Variants in NDUFAF6 observed in about 807,000 individuals in gnomAD.
NDUFAF6 encodes NADH:ubiquinone oxidoreductase complex assembly factor 6, also known as NADH dehydrogenase (ubiquinone) complex I, assembly factor 6.
NDUFAF6 carries 45 observed loss-of-function variants against 40.8 expected under a neutral mutation model. The ratio of observed to expected loss-of-function variants is 1.10; its 90% CI spans 0.87 to 1.42. The LOEUF (loss-of-function observed/expected upper bound fraction) is 1.42, where lower values mean the gene tolerates loss of function less well. Ranked by LOEUF, NDUFAF6 falls within the 40% of genes most tolerant of loss-of-function variation. The probability of loss-of-function intolerance (pLI) is 0.00; values close to 1 mark genes in which losing one functional copy is unlikely to be tolerated. For missense variants in NDUFAF6, 435 were observed against 418.5 expected, an observed-to-expected ratio of 1.04 and a Z score of -0.34; for synonymous variants, 185 against 155.9, an observed-to-expected ratio of 1.19 and a Z score of -1.39.
At chr8:94,916,233 T>C (rs1014023110) in intron 1 of NDUFAF6, among the ~76,000 whole-genome samples, 22 of 152,204 alleles carry the variant, frequency 1.4e-4, no homozygotes, top group African/African-American at 5.3e-4. Context: ...TGTTTCTCAG[T>C]AGCACATTCA....
chr8:95,035,494 G>A lies in NDUFAF6; in HGVS notation c.338G>A (p.Arg113Gln), dbSNP rs1481664000. Residue 113 changes from arginine to glutamine, a missense_variant, in exon 3 of 9, where the codon CGA (arginine) becomes CAA (glutamine). Arg to Gln is a conservative substitution (Grantham distance 43). Transcript: ENST00000396124. ...SVSEKTIGLM[R>Q]MQFWKKTVED... ...TCTGAGAAAACAATTGGACTGATGC[G>A]AATGCAGTTTTGGAAAAAAACTGTG... is the stretch of plus-strand genomic sequence containing the variant. The A allele has an allele frequency of 8.1e-6, 13 of 1,613,052 alleles. No homozygotes were observed. The highest frequency in any genetic ancestry group is 2.2e-5 in the East Asian group (1 of 44,790).
chr8:95,017,835 C>T (rs1316830720), intron 2 of NDUFAF6, among the ~76,000 whole-genome samples: 1 of 152,154 alleles, frequency 6.6e-6, no homozygotes, highest in African/African-American at 2.4e-5. Flanking sequence ...CAGACTTCTG[C>T]AATCATGTGC....
downstream of NDUFAF6, among the ~76,000 whole-genome samples, chr8:95,117,047 T>A (rs1401592950): frequency 1.3e-5 from 2 of 152,224 alleles, no homozygotes; most frequent in Non-Finnish European, 2.9e-5. Flanking sequence ...AGATGTCAGA[T>A]AAATTCCTGG....
At chr8:95,065,850 A>T (rs1291484576) in intron 9 of NDUFAF6, among the ~76,000 whole-genome samples, 1 of 150,758 alleles carries the variant, frequency 6.6e-6, no homozygotes, top group Non-Finnish European at 1.5e-5. Flanking sequence ...AGCACCTTTT[A>T]TATATTTAAA....
chr8:94,994,111 A>G (rs1826312101), intron 2 of NDUFAF6, among the ~76,000 whole-genome samples: 1 of 152,164 alleles, frequency 6.6e-6, no homozygotes, highest in South Asian at 2.1e-4. Flanking sequence ...CCTGTGCTCC[A>G]TGGGAAGAAT....
chr8:95,109,599 G>T (rs5010827), intron 4 of NDUFAF6, among the ~76,000 whole-genome samples: 87,377 of 140,022 alleles, frequency 0.62, 25,938 homozygotes, highest in East Asian at 0.98. Flanking sequence ...GAGAGAGAGA[G>T]AGAGAGAGAG....
chr8:94,944,491 T>C (rs1177317866), intron 1 of NDUFAF6, among the ~76,000 whole-genome samples: 1 of 152,182 alleles, frequency 6.6e-6, no homozygotes. Context: ...AGGAGCTTTC[T>C]AGGGAGCAGT....
In NDUFAF6 at chr8:95,025,048, C is replaced by T. The variant is rs1293185347; in HGVS notation, c.40C>T (p.Arg14Trp). 13 of 1,419,286 alleles carry T rather than the reference C, an allele frequency of 9.2e-6. No homozygotes were observed. Among genetic ancestry groups the T allele is most frequent in the Non-Finnish European group, 1.2e-5 (13 of 1,099,158 alleles). 87.9% of individuals were successfully genotyped at this position (1,419,286 alleles called of 1,614,324 possible). A position where few individuals can be genotyped will look rare whatever the true frequency, so the allele number is the denominator to read the frequency against. Residue 14 changes from arginine to tryptophan, a missense_variant, in exon 1 of 9, where the codon CGG (arginine) becomes TGG (tryptophan). By Grantham distance (101) the Arg-to-Trp change is moderately radical. Coordinates refer to ENST00000396124, the MANE Select transcript of NDUFAF6 (RefSeq NM_152416.4). ...GCACGGCTCTGTCTGGGGGCCGTTG[C>T]GGCTTGGCATCCCCGGCCTGTGCTG... is the stretch of plus-strand genomic sequence containing the variant. ...SAHGSVWGPLRLGIPGLCCRR... is the reference protein window; with the variant it reads ...SAHGSVWGPLWLGIPGLCCRR...
intron 8 of NDUFAF6, among the ~76,000 whole-genome samples, chr8:95,056,090 G>T (rs1196722181): frequency 1.3e-5 from 2 of 152,034 alleles, no homozygotes; most frequent in Admixed American, 1.3e-4. Context: ...TGTCTTCTAG[G>T]ACATGTACAC....
At chr8:94,983,387 C>T (rs1203915649) in intron 2 of NDUFAF6, among the ~76,000 whole-genome samples, 1 of 151,390 alleles carries the variant, frequency 6.6e-6, no homozygotes, top group Non-Finnish European at 1.5e-5. Flanking sequence ...GTCTCAGCCT[C>T]CTGAGTAGCT....
intron 4 of NDUFAF6, among the ~76,000 whole-genome samples, chr8:95,111,758 A>G (rs11782155): frequency 0.07 from 10,675 of 152,296 alleles, 500 homozygotes; most frequent in East Asian, 0.14. Flanking sequence ...TCAGGACCTT[A>G]TAAAAACCTC....
intron 1 of NDUFAF6, among the ~76,000 whole-genome samples, chr8:94,978,236 A>G (rs1586876581): frequency 6.6e-6 from 1 of 152,280 alleles, no homozygotes; most frequent in African/African-American, 2.4e-5. Context: ...TTAATAACCC[A>G]TCATGCCGAT....
intron 9 of NDUFAF6, among the ~76,000 whole-genome samples, chr8:95,070,685 C>G (rs1218155823): frequency 6.6e-6 from 1 of 152,128 alleles, no homozygotes. Flanking sequence ...AATAAACAGG[C>G]TAGATGGCAG....
Position 95,058,214 on chromosome 8 carries a change from T to C in NDUFAF6, c.*277T>C. 2 of 1,389,480 alleles carry C rather than the reference T, an allele frequency of 1.4e-6. No individual in the cohort carries two copies. Among genetic ancestry groups the C allele is most frequent in the Non-Finnish European group, 1.9e-6 (2 of 1,079,484 alleles). 86.1% of individuals were successfully genotyped at this position (1,389,480 alleles called of 1,614,324 possible). On this transcript the variant is annotated 3_prime_UTR_variant, in exon 9 of 9. Coordinates refer to ENST00000396124, the MANE Select transcript of NDUFAF6 (RefSeq NM_152416.4). ...CCAACAGGGAATATTGGTGTAGCTG[T>C]GCATAGGCCATAAGCCACACTTGAG...
In NDUFAF6 at chr8:94,938,363, C is replaced by T. The variant is rs551542769; in HGVS notation, c.-935-7120C>T. On this transcript the variant is annotated intron_variant, in intron 1 of 14. Coordinates refer to the NDUFAF6 transcript ENST00000396113. ...TCCAAGTTTGAAGACTGAGGCTGGACTGTGATACTGTAAAATATATATTCG... is the reference window on the plus strand; with the variant it reads ...TCCAAGTTTGAAGACTGAGGCTGGATTGTGATACTGTAAAATATATATTCG... 3.9e-5 allele frequency among the ~76,000 whole-genome samples: 6 copies of T among 152,312 alleles called. No homozygotes were observed. In the East Asian group the frequency reaches 1.2e-3, roughly 29 times the overall value.
intron 2 of NDUFAF6, among the ~76,000 whole-genome samples, chr8:94,998,334 A>T (rs147130870): frequency 1.3e-5 from 2 of 151,746 alleles, no homozygotes; most frequent in Non-Finnish European, 2.9e-5. Flanking sequence ...AACTATTGTT[A>T]CCCATTTCCT....
intron 4 of NDUFAF6, among the ~76,000 whole-genome samples, chr8:95,114,697 T>C (rs906828440): frequency 2.0e-5 from 3 of 152,226 alleles, no homozygotes; most frequent in African/African-American, 7.2e-5. Context: ...ATACAGGTGA[T>C]AATTATGTTC....
At chr8:94,908,104 C>T (rs1458874395) in intron 1 of NDUFAF6, among the ~76,000 whole-genome samples, 5 of 152,202 alleles carry the variant, frequency 3.3e-5, no homozygotes, top group Admixed American at 1.3e-4. Context: ...ATTTTCAAGT[C>T]TAAGTCCCAT....
chr8:94,901,693 T>C (rs905002436), intron 1 of NDUFAF6, among the ~76,000 whole-genome samples: 2 of 152,180 alleles, frequency 1.3e-5, no homozygotes, highest in Admixed American at 1.3e-4. Flanking sequence ...GTGATTCTCA[T>C]GCCTCAGCCT....
Sources: gnomAD v4.1 joint callset for allele counts (sites outside exome capture counted in the v4.1 genomes callset) on GRCh38, gnomAD v4.1.1 for gene constraint, MANE v1.5 for transcripts, NCBI Gene and HGNC (gene_info 2026-07-23, HGNC 2026-07-21) for gene names.